Variants in CNTNAP5 observed in about 807,000 individuals in gnomAD.
The protein encoded by CNTNAP5 is contactin-associated protein-like 5.
CNTNAP5 carries 72 observed loss-of-function variants against 150.2 expected under a neutral mutation model. That is an observed-to-expected ratio of 0.48 (90% confidence interval 0.40 to 0.58). The LOEUF (loss-of-function observed/expected upper bound fraction) is 0.58. Ranked by LOEUF, CNTNAP5 falls within the 20% of genes least tolerant of loss-of-function variation. The pLI is 0.00. For synonymous variants in CNTNAP5, 672 were observed against 619.8 expected (o/e 1.08, Z -1.25); for missense variants, 1,636 against 1,626.2 (o/e 1.01, Z -0.10).
At chr2:124,210,362 T>C (rs530665477) in intron 1 of CNTNAP5, among the ~76,000 whole-genome samples, 9 of 152,308 alleles carry the variant, frequency 5.9e-5, no homozygotes, top group African/African-American at 2.2e-4. Context: ...TAGAAATTGA[T>C]TTGTGAGCTT....
chr2:124,108,990 A>T (rs1428088241), intron 1 of CNTNAP5, among the ~76,000 whole-genome samples: 1 of 152,034 alleles, frequency 6.6e-6, no homozygotes, highest in East Asian at 1.9e-4. Flanking sequence ...CTAACATAAG[A>T]GCTTTCCAGA....
intron 17 of CNTNAP5, among the ~76,000 whole-genome samples, chr2:124,779,017 C>T (rs1197995641): frequency 2.0e-5 from 3 of 152,152 alleles, no homozygotes; most frequent in African/African-American, 7.2e-5. Flanking sequence ...CTCTCAGGCT[C>T]ATCTTCCGTG....
At chr2:124,627,522 CAAAA>C (rs3039905) in intron 12 of CNTNAP5, among the ~76,000 whole-genome samples, 61,168 of 131,956 alleles carry the variant, frequency 0.46, 14,453 homozygotes, top group Non-Finnish European at 0.58. Context: ...ACAACAACAT[CAAAA>C]AAAAAAAAAA....
intron 11 of CNTNAP5, among the ~76,000 whole-genome samples, chr2:124,607,218 T>C (rs1438666454): frequency 6.6e-6 from 1 of 152,032 alleles, no homozygotes; most frequent in Non-Finnish European, 1.5e-5. Context: ...CTTAGCTAGG[T>C]GGTTCTGTCT....
intron 11 of CNTNAP5, among the ~76,000 whole-genome samples, chr2:124,578,330 CAAAA>C (rs556025524): frequency 5.3e-5 from 3 of 56,396 alleles, no homozygotes; most frequent in Non-Finnish European, 8.0e-5. Flanking sequence ...GACTTTGTCT[CAAAA>C]AAAAAAAAAA....
At chr2:124,889,340 C>CAAAG (rs1290042747) in intron 21 of CNTNAP5, among the ~76,000 whole-genome samples, 2 of 151,948 alleles carry the variant, frequency 1.3e-5, no homozygotes, top group Non-Finnish European at 2.9e-5. Context: ...ATCCGCCCGC[C>CAAAG]TTGGCCTCCC....
At chr2:124,627,529 A>G (rs1373202927) in intron 12 of CNTNAP5, among the ~76,000 whole-genome samples, 2 of 151,434 alleles carry the variant, frequency 1.3e-5, no homozygotes, top group African/African-American at 4.8e-5. Flanking sequence ...CATCAAAAAA[A>G]AAAAAAAAAG....
intron 22 of CNTNAP5, among the ~76,000 whole-genome samples, chr2:124,908,038 G>T (rs1441675511): frequency 6.6e-6 from 1 of 151,812 alleles, no homozygotes; most frequent in Non-Finnish European, 1.5e-5. Context: ...GTAGTACATA[G>T]ACTCAATAAG....
At chr2:124,753,450 T>C (rs1680773259) in intron 14 of CNTNAP5, among the ~76,000 whole-genome samples, 2 of 152,220 alleles carry the variant, frequency 1.3e-5, no homozygotes, top group African/African-American at 2.4e-5. Context: ...TTAGTTGAAA[T>C]TTACTTCCTT....
At chr2:124,876,723 A>G (rs1184823354) in intron 21 of CNTNAP5, among the ~76,000 whole-genome samples, 1 of 152,102 alleles carries the variant, frequency 6.6e-6, no homozygotes, top group Non-Finnish European at 1.5e-5. Context: ...ATGGTCATAC[A>G]TAGTTCTTTA....
intron 7 of CNTNAP5, among the ~76,000 whole-genome samples, chr2:124,481,609 A>G (rs1258129543): frequency 1.3e-5 from 2 of 152,308 alleles, no homozygotes; most frequent in African/African-American, 2.4e-5. Flanking sequence ...CACACTTTAA[A>G]TGTATATTTA....
rs559223699 is a variant in CNTNAP5 at position 124,107,805 on chromosome 2, G to A, written c.82+82073G>A. Among the ~76,000 whole-genome samples the A allele has an allele frequency of 4.6e-5, 7 of 152,318 alleles. No individual in the cohort carries two copies. In the South Asian group the frequency reaches 1.5e-3, roughly 32 times the overall value. On this transcript the variant is annotated intron_variant, in intron 1 of 23. Coordinates refer to ENST00000682447, the MANE Select transcript of CNTNAP5 (RefSeq NM_001367498.1). Reference sequence around the variant, plus strand: ...CAGCCTCAGGAAGCCCTGATGACCTGTGCCCAAGGTGACTGAGGTACAGCT... The same window carrying A: ...CAGCCTCAGGAAGCCCTGATGACCTATGCCCAAGGTGACTGAGGTACAGCT...
At chr2:124,643,377 T>C (rs1678134770) in intron 12 of CNTNAP5, among the ~76,000 whole-genome samples, 1 of 152,142 alleles carries the variant, frequency 6.6e-6, no homozygotes, top group South Asian at 2.1e-4. Flanking sequence ...AGGGCAATAT[T>C]TTTCCAGGTT....
At chr2:124,458,281 T>TAA (rs1210089209) in intron 6 of CNTNAP5, among the ~76,000 whole-genome samples, 1 of 64,106 alleles carries the variant, frequency 1.6e-5, no homozygotes, top group African/African-American at 6.0e-5. Flanking sequence ...ATAATATATA[T>TAA]AATGTAATAT....
chr2:124,239,181 A>C (rs1686823514), intron 2 of CNTNAP5, among the ~76,000 whole-genome samples: 1 of 146,422 alleles, frequency 6.8e-6, no homozygotes, highest in Non-Finnish European at 1.5e-5. Context: ...ATGCTAAATC[A>C]TTCTCTATTT....
intron 19 of CNTNAP5, among the ~76,000 whole-genome samples, chr2:124,815,939 C>G (rs763572180): frequency 6.6e-6 from 1 of 152,106 alleles, no homozygotes; most frequent in Non-Finnish European, 1.5e-5. Context: ...AGGTAAGGGA[C>G]CACTATAAAC....
chr2:124,639,993 C>T (rs1398130986), intron 12 of CNTNAP5, among the ~76,000 whole-genome samples: 6 of 152,102 alleles, frequency 3.9e-5, no homozygotes, highest in Non-Finnish European at 7.4e-5. Flanking sequence ...GGCAGTCTGC[C>T]TTCCTAGAAC....
intron 21 of CNTNAP5, among the ~76,000 whole-genome samples, chr2:124,889,313 A>G (rs2104746346): frequency 6.6e-6 from 1 of 151,008 alleles, no homozygotes; most frequent in East Asian, 2.0e-4. Flanking sequence ...TTGGTCTCCA[A>G]CTCCTGACCT....
At chr2:124,743,953 G>A (rs1303103246) in intron 13 of CNTNAP5, among the ~76,000 whole-genome samples, 2 of 152,076 alleles carry the variant, frequency 1.3e-5, no homozygotes, top group Non-Finnish European at 2.9e-5. Context: ...ACTTATCCGT[G>A]GCCTATGAGT....
Sources: allele counts gnomAD v4.1 joint callset (sites outside exome capture counted in the v4.1 genomes callset), GRCh38; gene constraint gnomAD v4.1.1; transcripts MANE v1.5; gene names NCBI Gene and HGNC (gene_info 2026-07-23, HGNC 2026-07-21).